Variants in DDX19A observed in about 807,000 individuals in gnomAD.
DDX19A encodes the protein DEAD-box helicase 19A.
A neutral mutation model predicts 60.6 loss-of-function variants in DDX19A; 12 were observed. That is an observed-to-expected ratio of 0.20 (90% confidence interval 0.13 to 0.32). The LOEUF is 0.32. Ranked by LOEUF, DDX19A falls within the 10% of genes least tolerant of loss-of-function variation. The pLI is 1.00. For missense variants in DDX19A, 337 were observed against 600.6 expected, an observed-to-expected ratio of 0.56 and a Z score of 4.59; for synonymous variants, 206 against 218.2, an observed-to-expected ratio of 0.94 and a Z score of 0.49.
rs2047287037 is a variant in DDX19A, at chr16:70,372,323, CT to C, written c.*338del. The stretch of plus-strand genomic sequence containing the variant: ...GGCATCGTGGAACCAGCTCCAGCCC[CT>C]GAAGAAACGATAGATGTGCAGGTTG... On this transcript the variant is annotated 3_prime_UTR_variant, in exon 12 of 12. Transcript: ENST00000302243. 1 of 418,278 alleles carries C rather than the reference CT, an allele frequency of 2.4e-6. No homozygotes were observed. The highest frequency in any genetic ancestry group is 4.4e-6 in the Non-Finnish European group (1 of 227,240). The allele number at this position is 418,278 out of a possible 1,614,324, so 25.9% of individuals were successfully genotyped here.
At chr16:70,362,827 C>T (rs1200742384) in intron 5 of DDX19A, among the ~76,000 whole-genome samples, 1 of 151,778 alleles carries the variant, frequency 6.6e-6, no homozygotes, top group Non-Finnish European at 1.5e-5. Context: ...GCCTGGCCAA[C>T]ATGGTGAAAC....
At chr16:70,361,159 A>G (rs925706032) in intron 4 of DDX19A, among the ~76,000 whole-genome samples, 1 of 152,220 alleles carries the variant, frequency 6.6e-6, no homozygotes, top group Admixed American at 6.6e-5. Flanking sequence ...GGTCTGCTGA[A>G]AGCATTAATT....
chr16:70,349,299 T>C (rs1963942490), intron 1 of DDX19A, among the ~76,000 whole-genome samples: 1 of 152,194 alleles, frequency 6.6e-6, no homozygotes. Context: ...GAGACTCTAC[T>C]TGAGGCTTTT....
At chr16:70,362,300 A>G (rs532255093) in intron 5 of DDX19A, among the ~76,000 whole-genome samples, 2 of 148,550 alleles carry the variant, frequency 1.3e-5, no homozygotes, top group African/African-American at 5.0e-5. Flanking sequence ...GAGCCGAGAC[A>G]TGCCACTGCA....
chr16:70,358,157 C>T lies in DDX19A; in HGVS notation c.293+1910C>T, dbSNP rs191621119. Among the ~76,000 whole-genome samples, 7 of 152,032 alleles carry T rather than the reference C, an allele frequency of 4.6e-5. No individual in the cohort carries two copies. In the East Asian group the frequency reaches 5.8e-4, roughly 13 times the overall value. Reference sequence around the variant, plus strand: ...GCGATTCTCGTTCCTCAGCCTCTCACGTAGCTGGGATTACAGGCCTGAGCC... The same window carrying T: ...GCGATTCTCGTTCCTCAGCCTCTCATGTAGCTGGGATTACAGGCCTGAGCC... On this transcript the variant is annotated intron_variant, in intron 4 of 11. Transcript: ENST00000302243.
chr16:70,370,657 T>C (rs1964656451), intron 10 of DDX19A: 1 of 368,744 alleles, frequency 2.7e-6, no homozygotes, highest in Admixed American at 4.2e-5. Context: ...GAATGTGCTA[T>C]AGCACTCCAT....
chr16:70,351,553 C>G (rs1029981719), intron 2 of DDX19A, among the ~76,000 whole-genome samples: 1 of 151,714 alleles, frequency 6.6e-6, no homozygotes, highest in African/African-American at 2.4e-5. Context: ...TTGAGACAGT[C>G]TCACTCTGCC....
chr16:70,355,784 A>G (rs1964167223), intron 3 of DDX19A: 1 of 579,794 alleles, frequency 1.7e-6, no homozygotes. Flanking sequence ...CAACATACTG[A>G]GACCCCATCT....
rs1266323699 is a variant in DDX19A, at chr16:70,356,064, TG to T, written c.158-44del. On this transcript the variant is annotated intron_variant, in intron 3 of 11. Coordinates refer to ENST00000302243, the MANE Select transcript of DDX19A (RefSeq NM_018332.5). ...GGGAGAAAGAGTGGCTTCATAAGCC[TG>T]GGGTTTGCCAGATGAGTATGAAGAT... 4.3e-6 allele frequency: 7 copies of T among 1,610,064 alleles called. No individual in the cohort carries two copies. In the African/African-American group the frequency reaches 9.4e-5, roughly 22 times the overall value.
chr16:70,365,790 A>G, intron 7 of DDX19A: 2 of 448,212 alleles, frequency 4.5e-6, no homozygotes, highest in Non-Finnish European at 8.2e-6. Flanking sequence ...AAAATAAATA[A>G]ATAAATAAAC....
intron 4 of DDX19A, 136 bp from the exon 5 acceptor site, chr16:70,361,282 T>G (rs937362928): frequency 1.5e-5 from 11 of 714,494 alleles, no homozygotes; most frequent in Non-Finnish European, 1.4e-5. Flanking sequence ...TTTGACAGTG[T>G]TTTTTTAAGG....
intron 4 of DDX19A, among the ~76,000 whole-genome samples, chr16:70,356,640 G>A (rs1964195971): frequency 6.6e-6 from 1 of 151,996 alleles, no homozygotes; most frequent in Non-Finnish European, 1.5e-5. Flanking sequence ...TTACAGGCGT[G>A]AGCCACCGTG....
chr16:70,356,090 TCTA>T lies in DDX19A; in HGVS notation c.158-19_158-17del. ...GGGGTTTGCCAGATGAGTATGAAGA[TCTA>T]CTGGTTTCTTCCTGACAGAGGACAG... On this transcript the variant is annotated intron_variant, in intron 3 of 11. Transcript: ENST00000302243. The T allele has an allele frequency of 1.2e-6, 2 of 1,612,874 alleles. No individual in the cohort carries two copies. The highest frequency in any genetic ancestry group is 1.7e-6 in the Non-Finnish European group (2 of 1,179,952).
At chr16:70,356,496 A>T (rs1228616043) in intron 4 of DDX19A, among the ~76,000 whole-genome samples, 1 of 151,728 alleles carries the variant, frequency 6.6e-6, no homozygotes, top group Non-Finnish European at 1.5e-5. Context: ...AGCTGGGATT[A>T]CAGGCGCCCA....
chr16:70,371,232 C>G, intron 10 of DDX19A, 140 bp from the exon 11 acceptor site: 1 of 1,462,758 alleles, frequency 6.8e-7, no homozygotes, highest in Non-Finnish European at 9.4e-7. Context: ...ATATGTGTGC[C>G]CTCTCTTGTA....
At chr16:70,366,053 A>G in intron 7 of DDX19A, 32 bp from the exon 8 acceptor site, 2 of 1,614,154 alleles carry the variant, frequency 1.2e-6, no homozygotes, top group South Asian at 2.2e-5. Context: ...TTGCCTTTGA[A>G]ATACCTATGA....
At chr16:70,371,042 T>G (rs1964669530) in intron 10 of DDX19A, 2 of 446,330 alleles carry the variant, frequency 4.5e-6, no homozygotes, top group East Asian at 8.5e-5. Context: ...CAGAAACCAG[T>G]AGTCCTGACT....
chr16:70,352,724 C>T (rs897008411), intron 2 of DDX19A, among the ~76,000 whole-genome samples: 1 of 151,446 alleles, frequency 6.6e-6, no homozygotes, highest in East Asian at 1.9e-4. Flanking sequence ...GCAACCTCCA[C>T]CTCCGGGGTT....
chr16:70,352,465 A>G (rs1387903880), intron 2 of DDX19A, among the ~76,000 whole-genome samples: 1 of 150,922 alleles, frequency 6.6e-6, no homozygotes, highest in East Asian at 2.0e-4. Flanking sequence ...TTGTATTTTT[A>G]GTGGAGACGG....
Sources: allele counts gnomAD v4.1 joint callset (sites outside exome capture counted in the v4.1 genomes callset), GRCh38; gene constraint gnomAD v4.1.1; transcripts MANE v1.5; gene names NCBI Gene and HGNC (gene_info 2026-07-23, HGNC 2026-07-21).